Variants in SPATA16 observed in about 807,000 individuals in gnomAD.
The protein encoded by SPATA16 is spermatogenesis associated 16.
Under a neutral mutation model 63.3 loss-of-function variants are expected in SPATA16, and 36 were observed. The ratio of observed to expected loss-of-function variants is 0.57; its 90% CI spans 0.44 to 0.75. The LOEUF is 0.75. Ranked by LOEUF, SPATA16 falls within the 30% of genes least tolerant of loss-of-function variation. The probability of loss-of-function intolerance (pLI) is 0.00; values close to 1 mark genes in which losing one functional copy is unlikely to be tolerated. For synonymous variants in SPATA16, 203 were observed against 216.7 expected (o/e 0.94, Z 0.56); for missense variants, 646 against 679.3 (o/e 0.95, Z 0.54).
chr3:172,916,266 T>C, intron 9 of SPATA16, 51 bp downstream of exon 9: 1 of 1,589,216 alleles, frequency 6.3e-7, no homozygotes, highest in Non-Finnish European at 8.6e-7. Context: ...CCATATCACT[T>C]TTCTGTTGGC....
chr3:173,077,691 T>C (rs1428803444), intron 2 of SPATA16, among the ~76,000 whole-genome samples: 2 of 152,212 alleles, frequency 1.3e-5, no homozygotes, highest in African/African-American at 2.4e-5. Flanking sequence ...TTACTTTCTC[T>C]CTCACCAACT....
chr3:173,085,874 C>T (rs1459093806), intron 2 of SPATA16, among the ~76,000 whole-genome samples: 4 of 152,124 alleles, frequency 2.6e-5, no homozygotes, highest in Admixed American at 6.6e-5. Context: ...CCAACTTGAT[C>T]GTGGTAAATA....
chr3:173,070,723 CA>C, intron 2 of SPATA16, among the ~76,000 whole-genome samples: 2 of 152,106 alleles, frequency 1.3e-5, no homozygotes, highest in Non-Finnish European at 2.9e-5. Flanking sequence ...GAAATAGTTA[CA>C]AATAAAATAA....
chr3:173,090,373 T>A (rs1054820180), intron 2 of SPATA16, among the ~76,000 whole-genome samples: 8 of 152,178 alleles, frequency 5.3e-5, no homozygotes, highest in Non-Finnish European at 1.0e-4. Flanking sequence ...ATGCTTCCTG[T>A]ACAGCCTGCA....
At chr3:173,016,830 A>G (rs1011750346) in intron 4 of SPATA16, among the ~76,000 whole-genome samples, 1 of 152,172 alleles carries the variant, frequency 6.6e-6, no homozygotes, top group African/African-American at 2.4e-5. Flanking sequence ...CCTGGCCAAC[A>G]CGGTGAAACC....
chr3:173,016,467 A>G (rs898201980), intron 4 of SPATA16, among the ~76,000 whole-genome samples: 8 of 152,252 alleles, frequency 5.3e-5, no homozygotes, highest in African/African-American at 1.9e-4. Flanking sequence ...GACTGGTTAT[A>G]TATACCTTTA....
chr3:173,057,300 A>T (rs1208231343), intron 2 of SPATA16, among the ~76,000 whole-genome samples: 1 of 151,728 alleles, frequency 6.6e-6, no homozygotes, highest in Non-Finnish European at 1.5e-5. Flanking sequence ...TTTTTAGTAA[A>T]GACGGGGTTT....
chr3:173,095,925 C>T (rs1385162768), intron 2 of SPATA16, among the ~76,000 whole-genome samples: 2 of 152,036 alleles, frequency 1.3e-5, no homozygotes, highest in Non-Finnish European at 2.9e-5. Context: ...TGACATTAGA[C>T]TTGGTGCATT....
At chr3:172,905,871 C>T (rs1009102567) in intron 10 of SPATA16, among the ~76,000 whole-genome samples, 40 of 152,168 alleles carry the variant, frequency 2.6e-4, no homozygotes, top group African/African-American at 8.7e-4. Flanking sequence ...CTCACAGGTC[C>T]GAAAGTATAT....
chr3:172,977,036 C>T lies in SPATA16; in HGVS notation c.865G>A (p.Asp289Asn). The T allele has an allele frequency of 3.1e-6, 5 of 1,609,876 alleles. No individual in the cohort carries two copies. Among genetic ancestry groups the T allele is most frequent in the Non-Finnish European group, 3.4e-6 (4 of 1,179,144 alleles). Residue 289 changes from aspartate to asparagine, a missense_variant, in exon 5 of 11, where the codon GAC becomes AAC. Asp to Asn is a conservative substitution (Grantham distance 23). Coordinates refer to ENST00000351008, the MANE Select transcript of SPATA16 (RefSeq NM_031955.6). ...SEAARSAMIA[D>N]YMFWLGGGRE... ...CCTCCACCAAGCCAGAACATGTAGT[C>T]AGCAATCATGGCACTCCTAAGAACA...
intron 4 of SPATA16, among the ~76,000 whole-genome samples, chr3:173,005,332 A>G (rs1018770326): frequency 1.4e-5 from 2 of 148,030 alleles, no homozygotes; most frequent in African/African-American, 5.2e-5. Flanking sequence ...CAAAAGAAAA[A>G]AAAAAAAAAA....
At chr3:173,113,643 G>A (rs1166866713) in intron 2 of SPATA16, among the ~76,000 whole-genome samples, 3 of 152,026 alleles carry the variant, frequency 2.0e-5, no homozygotes, top group Non-Finnish European at 4.4e-5. Context: ...ACTATGTTAT[G>A]AAAATAAAAG....
intron 8 of SPATA16, 79 bp downstream of exon 8, chr3:172,924,129 T>G (rs942786561): frequency 6.7e-6 from 8 of 1,193,976 alleles, no homozygotes; most frequent in Non-Finnish European, 9.8e-6. Flanking sequence ...CTTGCACTAT[T>G]TGCCATGTAA....
At chr3:172,948,189 C>A (rs559354298) in intron 6 of SPATA16, among the ~76,000 whole-genome samples, 16 of 151,822 alleles carry the variant, frequency 1.1e-4, no homozygotes, top group South Asian at 4.2e-4. Flanking sequence ...ATTTAATAAT[C>A]AAATTCCCAA....
intron 2 of SPATA16, among the ~76,000 whole-genome samples, chr3:173,092,056 G>T (rs75502717): frequency 6.6e-6 from 1 of 152,144 alleles, no homozygotes; most frequent in Non-Finnish European, 1.5e-5. Context: ...CACAATCCTT[G>T]TTGTGTGCAA....
intron 4 of SPATA16, among the ~76,000 whole-genome samples, chr3:172,996,863 G>T (rs781270077): frequency 6.6e-6 from 1 of 152,046 alleles, no homozygotes; most frequent in Non-Finnish European, 1.5e-5. Context: ...GCCTTTTCCA[G>T]AATGTCATAT....
chr3:172,903,009 G>A (rs554657638), intron 10 of SPATA16, among the ~76,000 whole-genome samples: 2 of 152,240 alleles, frequency 1.3e-5, no homozygotes, highest in East Asian at 3.9e-4. Flanking sequence ...CAAGTCAATT[G>A]CTCTGAACTC....
intron 2 of SPATA16, among the ~76,000 whole-genome samples, chr3:173,103,913 T>G (rs1158311720): frequency 6.6e-6 from 1 of 152,168 alleles, no homozygotes; most frequent in Non-Finnish European, 1.5e-5. Context: ...AAATATAGAG[T>G]GCAACTTTAA....
intron 2 of SPATA16, among the ~76,000 whole-genome samples, chr3:173,116,360 C>T (rs191986435): frequency 4.6e-5 from 7 of 152,236 alleles, no homozygotes; most frequent in Admixed American, 2.6e-4. Flanking sequence ...AAATAAAATA[C>T]GAAATATGCA....
Sources: allele counts gnomAD v4.1 joint callset (sites outside exome capture counted in the v4.1 genomes callset), GRCh38; gene constraint gnomAD v4.1.1; transcripts MANE v1.5; gene names NCBI Gene and HGNC (gene_info 2026-07-23, HGNC 2026-07-21).